Variants in TRAF2 observed in about 807,000 individuals in gnomAD.
The protein encoded by TRAF2 is TNF receptor-associated factor 2.
TRAF2 carries 6 observed loss-of-function variants against 55.6 expected under a neutral mutation model. The observed-to-expected ratio is 0.11, with a 90% confidence interval of 0.06 to 0.21. The LOEUF (loss-of-function observed/expected upper bound fraction) is 0.21, where lower values mean the gene tolerates loss of function less well. Ranked by LOEUF, TRAF2 falls within the 10% of genes least tolerant of loss-of-function variation. The probability of loss-of-function intolerance (pLI) is 1.00; values close to 1 mark genes in which losing one functional copy is unlikely to be tolerated. For missense variants in TRAF2, 561 were observed against 684.5 expected (o/e 0.82, Z 2.01); for synonymous variants, 329 against 276.3 (o/e 1.19, Z -1.89).
upstream of TRAF2, chr9:136,882,094 G>T: frequency 1.0e-6 from 1 of 963,812 alleles, no homozygotes; most frequent in South Asian, 4.8e-5. Flanking sequence ...ATGGTCCCGT[G>T]GGGGGCCCAG....
chr9:136,922,970 G>A (rs1850431758), intron 9 of TRAF2, among the ~76,000 whole-genome samples: 1 of 152,056 alleles, frequency 6.6e-6, no homozygotes, highest in Admixed American at 6.5e-5. Flanking sequence ...ACGCGGTGGA[G>A]GACGAGGACG....
At chr9:136,885,531 C>T (rs1424838059), upstream of TRAF2, among the ~76,000 whole-genome samples, 1 of 152,146 alleles carries the variant, frequency 6.6e-6, no homozygotes, top group Non-Finnish European at 1.5e-5. Flanking sequence ...TGTCTGGAGG[C>T]CATAGGTTGT....
intron 6 of TRAF2, among the ~76,000 whole-genome samples, chr9:136,912,119 TG>T (rs1850125738): frequency 6.8e-6 from 1 of 147,112 alleles, no homozygotes; most frequent in Non-Finnish European, 1.5e-5. Flanking sequence ...CCCAAAGTGC[TG>T]GGATTACAGG....
intron 1 of TRAF2, 70 bp from the exon 2 acceptor site, chr9:136,898,640 TCAC>T: frequency 6.4e-7 from 1 of 1,573,962 alleles, no homozygotes; most frequent in Non-Finnish European, 8.6e-7. Flanking sequence ...CTGCTACTGA[TCAC>T]CATTGGTTTG....
At chr9:136,918,220 G>A (rs1850285882) in intron 7 of TRAF2, among the ~76,000 whole-genome samples, 1 of 131,774 alleles carries the variant, frequency 7.6e-6, no homozygotes, top group African/African-American at 2.9e-5. Context: ...TTTTTAGAGT[G>A]TTTTGTTTAT....
chr9:136,925,572 TG>T, intron 10 of TRAF2, 110 bp from the exon 11 acceptor site: 1 of 1,138,158 alleles, frequency 8.8e-7, no homozygotes. Context: ...GCCTCTGGCC[TG>T]GGTCCTGGGA....
At chr9:136,916,717 G>A (rs573324707) in intron 7 of TRAF2, 102 bp downstream of exon 7, 6 of 1,164,994 alleles carry the variant, frequency 5.2e-6, no homozygotes, top group Non-Finnish European at 7.6e-6. Flanking sequence ...CTGCTCCTCA[G>A]CCACCTCTGC....
chr9:136,910,228 A>G (rs1218732114), intron 6 of TRAF2: 3 of 572,664 alleles, frequency 5.2e-6, no homozygotes, highest in Admixed American at 3.0e-5. Context: ...CAGTGTACAT[A>G]GCTGCTTACT....
At chr9:136,924,758 A>T (rs142846261) in intron 10 of TRAF2, among the ~76,000 whole-genome samples, 1 of 151,996 alleles carries the variant, frequency 6.6e-6, no homozygotes, top group East Asian at 2.0e-4. Flanking sequence ...ACTTATTGTT[A>T]AGACGGAGTC....
chr9:136,897,334 G>A (rs958513981), intron 1 of TRAF2, among the ~76,000 whole-genome samples: 2 of 152,372 alleles, frequency 1.3e-5, no homozygotes, highest in East Asian at 1.9e-4. Flanking sequence ...GGTGCAGGGC[G>A]CTGAGGCCGT....
In TRAF2 at chr9:136,926,022, G is replaced by C. The variant is rs1850523615; in HGVS notation, c.*121G>C. 2 of 1,226,404 alleles carry C rather than the reference G, an allele frequency of 1.6e-6. No individual in the cohort carries two copies. The highest frequency in any genetic ancestry group is 1.2e-6 in the Non-Finnish European group (1 of 845,846). The allele number at this position is 1,226,404 out of a possible 1,614,324, so 76.0% of individuals were successfully genotyped here. ...GGCAGGGGCCGCGCTTGGGCGCTTG[G>C]GAGGGTGTCGGCCTGCAGCCAAGTT... On this transcript the variant is annotated 3_prime_UTR_variant, in exon 11 of 11. Transcript: ENST00000247668.
intron 6 of TRAF2, among the ~76,000 whole-genome samples, chr9:136,913,748 T>A (rs1237255295): frequency 6.6e-6 from 1 of 152,246 alleles, no homozygotes; most frequent in Non-Finnish European, 1.5e-5. Context: ...ACTATTGGCC[T>A]GCTGTCTTAT....
At chr9:136,911,900 A>AGG (rs1408095838) in intron 6 of TRAF2, among the ~76,000 whole-genome samples, 1 of 118,278 alleles carries the variant, frequency 8.5e-6, no homozygotes, top group African/African-American at 3.4e-5. Context: ...CCCAGGCTGG[A>AGG]GGGCAGTGGC....
At chr9:136,923,541 G>C (rs990976544) in intron 9 of TRAF2, among the ~76,000 whole-genome samples, 1 of 147,348 alleles carries the variant, frequency 6.8e-6, no homozygotes, top group African/African-American at 2.5e-5. Context: ...ATCCCAGGAG[G>C]TGGAGGTTGC....
intron 6 of TRAF2, among the ~76,000 whole-genome samples, chr9:136,911,770 C>G (rs72761067): frequency 6.6e-6 from 1 of 151,322 alleles, no homozygotes; most frequent in Admixed American, 6.6e-5. Context: ...CCCCCTGGCC[C>G]GTTCCAGAGG....
At position 136,925,541 on chromosome 9, in the gene TRAF2, C is replaced by T. The variant is rs534364205; in HGVS notation, c.1288-142C>T. 67 of 798,902 alleles carry T rather than the reference C, an allele frequency of 8.4e-5. 1 individual carries two copies. Among genetic ancestry groups the T allele is most frequent in the African/African-American group, 5.4e-4 (31 of 57,764 alleles). 49.5% of individuals were successfully genotyped at this position (798,902 alleles called of 1,614,324 possible). On this transcript the variant is annotated intron_variant, in intron 10 of 10. Coordinates refer to ENST00000247668, the MANE Select transcript of TRAF2 (RefSeq NM_021138.4). Reference sequence around the variant, plus strand: ...GTGGCAGGAGCAAGGCCGCCCACCACGTGGTCTCGGCTGGGCCTCAGCCTC... The same window carrying T: ...GTGGCAGGAGCAAGGCCGCCCACCATGTGGTCTCGGCTGGGCCTCAGCCTC...
chr9:136,910,680 C>T (rs2131312187), intron 6 of TRAF2, among the ~76,000 whole-genome samples: 1 of 152,338 alleles, frequency 6.6e-6, no homozygotes, highest in South Asian at 2.1e-4. Context: ...CAGCCCCCAT[C>T]TGGGCAGCTA....
chr9:136,889,248 C>T (rs756884857), intron 1 of TRAF2, among the ~76,000 whole-genome samples: 22 of 141,594 alleles, frequency 1.6e-4, no homozygotes, highest in Non-Finnish European at 3.1e-4. Flanking sequence ...GACGGAGTCT[C>T]GCTCTGTCCC....
intron 7 of TRAF2, among the ~76,000 whole-genome samples, chr9:136,917,776 T>G (rs1391544028): frequency 1.3e-5 from 2 of 152,178 alleles, no homozygotes; most frequent in Middle Eastern, 3.2e-3. Context: ...TTGGATAGTC[T>G]TCTGCTGTCC....
Sources: gnomAD v4.1 joint callset for allele counts (sites outside exome capture counted in the v4.1 genomes callset) on GRCh38, gnomAD v4.1.1 for gene constraint, MANE v1.5 for transcripts, NCBI Gene and HGNC (gene_info 2026-07-23, HGNC 2026-07-21) for gene names.